Variants in NUTM2F observed in about 807,000 individuals in gnomAD.
NUTM2F encodes NUT family member 2F.
In NUTM2F, 22 loss-of-function variants were observed where a neutral mutation model predicts 43.3. That is an observed-to-expected ratio of 0.51 (90% CI 0.36 to 0.73). The LOEUF (loss-of-function observed/expected upper bound fraction) is 0.73, where lower values mean the gene tolerates loss of function less well. Among genes scored for constraint, NUTM2F ranks in the 30% least tolerant of loss-of-function variants. The probability of loss-of-function intolerance (pLI) is 0.00; values close to 1 mark genes in which losing one functional copy is unlikely to be tolerated. For missense variants in NUTM2F, 488 were observed against 927.4 expected, an observed-to-expected ratio of 0.53 and a Z score of 6.15; for synonymous variants, 202 against 389.0, an observed-to-expected ratio of 0.52 and a Z score of 5.66.
intron 3 of NUTM2F, among the ~76,000 whole-genome samples, 191 bp downstream of exon 3, chr9:94,322,010 G>A (rs1831375328): frequency 6.6e-6 from 1 of 151,172 alleles, no homozygotes; most frequent in African/African-American, 2.4e-5. Context: ...CTTCCCAAGA[G>A]GGCGGGACAG....
Position 94,325,801 on chromosome 9 carries a change from T to C in NUTM2F, c.150A>G (p.Pro50=). The C allele has an allele frequency of 6.2e-7, 1 of 1,612,096 alleles. No homozygotes were observed. The highest frequency in any genetic ancestry group is 8.5e-7 in the Non-Finnish European group (1 of 1,179,838). Residue 50 remains proline, a synonymous_variant, in exon 2 of 7, where the codon CCA becomes CCG. Coordinates refer to ENST00000253262, the MANE Select transcript of NUTM2F (RefSeq NM_017561.2). ...AGGCAGAGAGCACCAGAGGGCCGGC[T>C]GGAGGAACCACTGCAGTCACGAGGG... ...RPPLVTAVVP[P]AGPLVLSAFP...
intron 1 of NUTM2F, among the ~76,000 whole-genome samples, chr9:94,326,871 C>A (rs1267271976): frequency 5.3e-5 from 8 of 151,878 alleles, no homozygotes; most frequent in Admixed American, 3.3e-4. Flanking sequence ...CTGGCACCAC[C>A]CACACAAGTG....
chr9:94,319,181 C>CA lies in NUTM2F; in HGVS notation c.1554_1555insT (p.Ala519CysfsTer9). 8.3e-7 allele frequency: 1 copy of CA among 1,209,054 alleles called. No homozygotes were observed. The highest frequency in any genetic ancestry group is 1.1e-6 in the Non-Finnish European group (1 of 883,792). 74.9% of individuals were successfully genotyped at this position (1,209,054 alleles called of 1,614,324 possible). ...TCAGAAGGACTTGAGTCCAACCTGGCCGTGCCATGTCGAGGGGCTGCCCTC... is the reference window on the plus strand; with the variant it reads ...TCAGAAGGACTTGAGTCCAACCTGGCACGTGCCATGTCGAGGGGCTGCCCTC... On this transcript the variant is annotated frameshift_variant, in exon 7 of 7. Coordinates refer to ENST00000253262, the MANE Select transcript of NUTM2F (RefSeq NM_017561.2). LOFTEE classifies it low-confidence loss of function (END_TRUNC).
intron 2 of NUTM2F, among the ~76,000 whole-genome samples, chr9:94,324,863 T>C (rs1004612079): frequency 1.3e-5 from 2 of 149,538 alleles, no homozygotes; most frequent in African/African-American, 5.0e-5. Flanking sequence ...GGCACATGCC[T>C]GTAATCCCAA....
chr9:94,321,396 T>G (rs1831364996), intron 3 of NUTM2F, among the ~76,000 whole-genome samples, 164 bp from the exon 4 acceptor site: 1 of 151,000 alleles, frequency 6.6e-6, no homozygotes, highest in South Asian at 2.1e-4. Context: ...GCTCCCAGAG[T>G]TCTGGGCTCA....
At chr9:94,319,816 G>C in intron 5 of NUTM2F, 87 bp from the exon 6 acceptor site, 2 of 1,584,914 alleles carry the variant, frequency 1.3e-6, no homozygotes, top group Non-Finnish European at 1.7e-6. Flanking sequence ...AGAAAGCGGG[G>C]AGGGCCCCAT....
Position 94,319,712 on chromosome 9 carries a change from G to T in NUTM2F, c.1386C>A (p.His462Gln), listed in dbSNP as rs1169804503. Residue 462 changes from histidine to glutamine, a missense_variant, in exon 6 of 7, where the codon CAC becomes CAA. Physicochemically the swap from His to Gln is conservative, Grantham distance 24. Transcript: ENST00000253262. Reference protein sequence around the residue: ...DFVTKVEAVIHPRFLEELLSP... With the variant: ...DFVTKVEAVIQPRFLEELLSP... ...AAAGCAATTCTTCCAGGAATCGGGG[G>T]TGAATGACGGCCTCCACCTGGAAAC... is the stretch of plus-strand genomic sequence containing the variant. 4 of 1,611,470 alleles carry T rather than the reference G, an allele frequency of 2.5e-6. No individual in the cohort carries two copies. The highest frequency in any genetic ancestry group is 2.5e-6 in the Non-Finnish European group (3 of 1,179,534).
chr9:94,322,679 C>T (rs1587702917), intron 2 of NUTM2F, among the ~76,000 whole-genome samples: 1 of 152,030 alleles, frequency 6.6e-6, no homozygotes, highest in African/African-American at 2.4e-5. Flanking sequence ...AGGTCATGAG[C>T]GTGGGTCCCA....
At chr9:94,321,293 A>G (rs1564101709) in intron 3 of NUTM2F, 61 bp from the exon 4 acceptor site, 6 of 1,542,060 alleles carry the variant, frequency 3.9e-6, no homozygotes. Context: ...CCCCAGGACC[A>G]GGCAGCAGCT....
chr9:94,322,198 C>T lies in NUTM2F; in HGVS notation c.842+3G>A. ...GGCCCTGCCCCCAGGACCCCAGACT[C>T]ACTTTTCCGCCATCTCGTAGAAGAT... On this transcript the variant is annotated splice_donor_region_variant and intron_variant, in intron 3 of 6. Coordinates refer to ENST00000253262, the MANE Select transcript of NUTM2F (RefSeq NM_017561.2). The T allele has an allele frequency of 6.2e-7, 1 of 1,612,038 alleles. No homozygotes were observed. The highest frequency in any genetic ancestry group is 8.5e-7 in the Non-Finnish European group (1 of 1,179,864).
rs751856743 is a variant in NUTM2F at position 94,321,142 on chromosome 9, C to T, written c.933G>A (p.Pro311=). The T allele has an allele frequency of 2.8e-5, 43 of 1,549,412 alleles. No homozygotes were observed. The highest frequency in any genetic ancestry group is 4.6e-4 in the Middle Eastern group (2 of 4,370). The stretch of plus-strand genomic sequence containing the variant: ...CAGGGGGTCCTCGAGGTTCAAGCCT[C>T]GGCGGGGCTGGAGGAGGCAGGCTCT... The part of the protein sequence containing the change: ...GPQSLPPPAP[P]RLEPRGPPAP... Residue 311 remains proline, a synonymous_variant, in exon 4 of 7, where the codon CCG becomes CCA. Coordinates refer to ENST00000253262, the MANE Select transcript of NUTM2F (RefSeq NM_017561.2).
chr9:94,326,743 C>CAA (rs763429569), intron 1 of NUTM2F, among the ~76,000 whole-genome samples: 913 of 90,758 alleles, frequency 0.01, 15 homozygotes, highest in African/African-American at 0.039. Context: ...GACTCCGTCT[C>CAA]AAAAAAAAAA....
At chr9:94,321,878 C>T (rs1275126770) in intron 3 of NUTM2F, among the ~76,000 whole-genome samples, 2 of 151,410 alleles carry the variant, frequency 1.3e-5, no homozygotes, top group Non-Finnish European at 2.9e-5. Flanking sequence ...TCTTTAGTCA[C>T]TAGCACCCCT....
At chr9:94,328,561 G>C in intron 1 of NUTM2F, 47 bp downstream of exon 1, 6 of 1,613,864 alleles carry the variant, frequency 3.7e-6, no homozygotes, top group Middle Eastern at 1.7e-4. Flanking sequence ...TTCCCAAGGA[G>C]TTGAGGCAAG....
Position 94,318,864 on chromosome 9 carries a change from A to G in NUTM2F, c.1872T>C (p.His624=), listed in dbSNP as rs201655868. The G allele has an allele frequency of 0.023, 36,166 of 1,579,622 alleles. No individual in the cohort carries two copies. The East Asian group carries it at 0.3, about 13-fold the overall frequency. ...CCTCACTTGACCCCTTAGCCAGCCC[A>G]TGTGACTCCTTGACAGGAGACTCTC... ...LPGESPVKES[H]GLAKGSSEET... Residue 624 remains histidine, a synonymous_variant, in exon 7 of 7, where the codon CAT becomes CAC. Transcript: ENST00000253262.
chr9:94,324,808 T>C (rs1378855801), intron 2 of NUTM2F, among the ~76,000 whole-genome samples: 2 of 151,212 alleles, frequency 1.3e-5, no homozygotes, highest in African/African-American at 4.9e-5. Flanking sequence ...CTGACCAACA[T>C]GGAGAAACCC....
rs201167898 is a variant in NUTM2F at position 94,322,248 on chromosome 9, C to T, written c.795G>A (p.Gln265=). The change falls in exon 3 of 7, where the codon CAG becomes CAA. Residue 265 remains glutamine, a synonymous_variant. Coordinates refer to ENST00000253262, the MANE Select transcript of NUTM2F (RefSeq NM_017561.2). ...TCATCCGGTCAAAGTTGCTCGTGTG[C>T]TGCCATTCCCGCATGGCCTGCCACA... ...EGLWQAMREW[Q]HTSNFDRMIF... The T allele has an allele frequency of 9.2e-5, 149 of 1,612,102 alleles. No homozygotes were observed. The Middle Eastern group carries it at 2.3e-3, about 24-fold the overall frequency.
chr9:94,325,812 C>T lies in NUTM2F; in HGVS notation c.139G>A (p.Val47Met), dbSNP rs1831445614. The change falls in exon 2 of 7, where the codon GTG (valine) becomes ATG (methionine). Residue 47 changes from valine (V) to methionine (M), a missense_variant. Transcript: ENST00000253262. ...ACCAGAGGGCCGGCTGGAGGAACCA[C>T]TGCAGTCACGAGGGGCGGCCTGTGT... ...PAHRPPLVTA[V>M]VPPAGPLVLS... is the part of the protein sequence containing the mutation. 2 of 1,612,046 alleles carry T rather than the reference C, an allele frequency of 1.2e-6. No homozygotes were observed. Among genetic ancestry groups the T allele is most frequent in the Non-Finnish European group, 1.7e-6 (2 of 1,179,864 alleles).
In NUTM2F at chr9:94,319,664, G is replaced by T; in HGVS notation, c.1434C>A (p.Phe478Leu). 22 of 1,612,070 alleles carry T rather than the reference G, an allele frequency of 1.4e-5. No individual in the cohort carries two copies. The highest frequency in any genetic ancestry group is 1.7e-5 in the Non-Finnish European group (20 of 1,179,834). Residue 478 changes from phenylalanine (F) to leucine (L), a missense_variant, in exon 6 of 7, where the codon TTC (phenylalanine) becomes TTA (leucine). Physicochemically the swap from Phe to Leu is conservative, Grantham distance 22. Coordinates refer to ENST00000253262, the MANE Select transcript of NUTM2F (RefSeq NM_017561.2). ...ELLSPDPQMD[F>L]LALSQELEQE... ...GCTCCAGCTCCTGGCTTAGGGCCAAGAAATCCATCTGTGGATCTGGGGAAA... is the reference window on the plus strand; with the variant it reads ...GCTCCAGCTCCTGGCTTAGGGCCAATAAATCCATCTGTGGATCTGGGGAAA...
Sources: allele counts gnomAD v4.1 joint callset (sites outside exome capture counted in the v4.1 genomes callset), GRCh38; gene constraint gnomAD v4.1.1; transcripts MANE v1.5; gene names NCBI Gene and HGNC (gene_info 2026-07-23, HGNC 2026-07-21).